Variants in ANKS1B observed in about 807,000 individuals in gnomAD.
The protein encoded by ANKS1B is ankyrin repeat and sterile alpha motif domain containing 1B.
A neutral mutation model predicts 148.3 loss-of-function variants in ANKS1B; 36 were observed. That is an observed-to-expected ratio of 0.24 (90% CI 0.19 to 0.32). ANKS1B has a LOEUF of 0.32. ANKS1B is among the 10% of genes least tolerant of loss of function. ANKS1B has a pLI of 1.00. For synonymous variants in ANKS1B, 542 were observed against 560.8 expected, an observed-to-expected ratio of 0.97 and a Z score of 0.47; for missense variants, 1,157 against 1,542.6, an observed-to-expected ratio of 0.75 and a Z score of 4.19.
intron 10 of ANKS1B, among the ~76,000 whole-genome samples, chr12:99,455,675 G>A (rs1164456647): frequency 5.9e-5 from 9 of 152,154 alleles, no homozygotes; most frequent in Admixed American, 6.5e-5. Flanking sequence ...TGACCTGTGC[G>A]ACTCAGCAGA....
intron 8 of ANKS1B, among the ~76,000 whole-genome samples, chr12:99,756,636 A>G (rs771513700): frequency 2.6e-5 from 4 of 152,154 alleles, no homozygotes; most frequent in African/African-American, 4.8e-5. Context: ...CTAAGCAAAA[A>G]GAACAAAGCT....
chr12:98,891,330 G>T (rs2152678431), intron 17 of ANKS1B, among the ~76,000 whole-genome samples: 1 of 151,084 alleles, frequency 6.6e-6, no homozygotes, highest in East Asian at 1.9e-4. Flanking sequence ...ATTAATTTTT[G>T]ATATTCATCT....
intron 9 of ANKS1B, among the ~76,000 whole-genome samples, chr12:99,559,416 C>G (rs1316710311): frequency 6.6e-6 from 1 of 152,150 alleles, no homozygotes; most frequent in Non-Finnish European, 1.5e-5. Context: ...ATCTCTCAAT[C>G]AGTGATGACC....
intron 1 of ANKS1B, among the ~76,000 whole-genome samples, chr12:99,921,077 A>C (rs1490323500): frequency 6.6e-6 from 1 of 152,194 alleles, no homozygotes; most frequent in Non-Finnish European, 1.5e-5. Context: ...CAGAGGCTTC[A>C]GTGGAAAAAC....
chr12:99,154,499 G>C (rs540395460), intron 14 of ANKS1B, 104 bp from the exon 15 acceptor site: 1 of 1,608,450 alleles, frequency 6.2e-7, no homozygotes, highest in African/African-American at 1.3e-5. Flanking sequence ...TCATGCCCCT[G>C]GGAAAGTTGC....
rs2097827768 is a variant in ANKS1B at position 98,743,990 on chromosome 12, T to TTTTA, written c.*1745_*1748dup. ...AAGCACCACTGCTGTACAACTTCTG[T>TTTTA]TTTATTTTTGTGTGCTTTTTTTATA... On this transcript the variant is annotated 3_prime_UTR_variant, in exon 27 of 27. Transcript: ENST00000683438. The TTTTA allele has an allele frequency of 1.0e-6, 1 of 983,300 alleles. No individual in the cohort carries two copies. The highest frequency in any genetic ancestry group is 1.2e-6 in the Non-Finnish European group (1 of 828,006). 60.9% of individuals were successfully genotyped at this position (983,300 alleles called of 1,614,324 possible).
intron 15 of ANKS1B, among the ~76,000 whole-genome samples, chr12:99,148,415 A>AT (rs558527871): frequency 0.011 from 1,614 of 145,702 alleles, 31 homozygotes; most frequent in South Asian, 0.018. Flanking sequence ...AATCATGGCA[A>AT]TTTTTTTTTT....
At chr12:98,842,498 G>A (rs2099412688) in intron 17 of ANKS1B, among the ~76,000 whole-genome samples, 1 of 152,222 alleles carries the variant, frequency 6.6e-6, no homozygotes, top group African/African-American at 2.4e-5. Context: ...ATGGGATTGT[G>A]TTGATGGTTG....
intron 19 of ANKS1B, among the ~76,000 whole-genome samples, chr12:98,812,605 G>T (rs145540180): frequency 1.8e-3 from 268 of 152,250 alleles, no homozygotes; most frequent in Non-Finnish European, 2.8e-3. Flanking sequence ...CAGAACCTTT[G>T]CTCTGTTGCC....
intron 10 of ANKS1B, among the ~76,000 whole-genome samples, chr12:99,489,024 A>G (rs560267227): frequency 2.6e-5 from 4 of 152,120 alleles, no homozygotes; most frequent in Non-Finnish European, 5.9e-5. Flanking sequence ...TGGGCAAATC[A>G]TAACATCAGG....
At chr12:99,739,076 C>T (rs1429820060) in intron 8 of ANKS1B, among the ~76,000 whole-genome samples, 1 of 152,032 alleles carries the variant, frequency 6.6e-6, no homozygotes, top group Non-Finnish European at 1.5e-5. Context: ...AGGGTATTCA[C>T]ATACACTATC....
chr12:99,189,791 T>A (rs1421019209), intron 14 of ANKS1B, among the ~76,000 whole-genome samples: 1 of 152,182 alleles, frequency 6.6e-6, no homozygotes, highest in African/African-American at 2.4e-5. Flanking sequence ...AAGAGAAGGA[T>A]GCCCTCTCTC....
chr12:99,482,609 T>C (rs1228688455), intron 10 of ANKS1B, among the ~76,000 whole-genome samples: 2 of 152,006 alleles, frequency 1.3e-5, no homozygotes, highest in African/African-American at 4.8e-5. Context: ...AATCTATGAA[T>C]TGCTTTGGGC....
At chr12:99,319,750 AGTTT>A (rs1205354466) in intron 12 of ANKS1B, among the ~76,000 whole-genome samples, 3 of 151,966 alleles carry the variant, frequency 2.0e-5, no homozygotes, top group Non-Finnish European at 4.4e-5. Context: ...GCTAGTTGTT[AGTTT>A]GTTTGTTAGT....
intron 9 of ANKS1B, among the ~76,000 whole-genome samples, chr12:99,534,692 T>A (rs912412587): frequency 2.0e-5 from 3 of 150,520 alleles, no homozygotes; most frequent in East Asian, 4.0e-4. Flanking sequence ...AGGAAACTTT[T>A]TTTTTCTTTT....
intron 1 of ANKS1B, among the ~76,000 whole-genome samples, chr12:99,922,016 G>C (rs1220639482): frequency 2.0e-5 from 3 of 152,068 alleles, no homozygotes; most frequent in Non-Finnish European, 4.4e-5. Flanking sequence ...TGCCAGCTCT[G>C]CCACTTAGGT....
Position 98,816,245 on chromosome 12 carries a change from T to C in ANKS1B, c.3067-8327A>G, listed in dbSNP as rs114229788. On this transcript the variant is annotated intron_variant, in intron 19 of 26. Transcript: ENST00000683438. Reference sequence around the variant, plus strand: ...AGGCATATTACATCCAAATTAAGTCTGTGCTTTCCACTCTATAAAAGAATT... The same window carrying C: ...AGGCATATTACATCCAAATTAAGTCCGTGCTTTCCACTCTATAAAAGAATT... Among the ~76,000 whole-genome samples the C allele has an allele frequency of 5.9e-3, 900 of 152,336 alleles. 10 individuals are homozygous for C. The highest frequency in any genetic ancestry group is 0.02 in the African/African-American group (846 of 41,582).
Position 98,832,040 on chromosome 12 carries a change from T to C in ANKS1B, c.2875A>G (p.Ile959Val), listed in dbSNP as rs545708478. 193 of 1,591,414 alleles carry C rather than the reference T, an allele frequency of 1.2e-4. No homozygotes were observed. The Admixed American group carries it at 3.2e-3, about 26-fold the overall frequency. Reference protein sequence around the residue: ...DDPPQKPPRSITLREPSGNHT... With the variant: ...DDPPQKPPRSVTLREPSGNHT... The stretch of plus-strand genomic sequence containing the variant: ...TGCTTGGCACTTACCCTGAGGGTGA[T>C]GGACCGAGGGGGCTTCTGTGGGGGA... The change falls in exon 18 of 27, where the codon ATC (isoleucine) becomes GTC (valine). Residue 959 changes from isoleucine (I) to valine (V), a missense_variant. Coordinates refer to ENST00000683438, the MANE Select transcript of ANKS1B (RefSeq NM_001352186.2).
intron 14 of ANKS1B, 149 bp downstream of exon 14, chr12:99,244,193 T>C (rs1312832574): frequency 1.7e-6 from 1 of 575,364 alleles, no homozygotes; most frequent in South Asian, 2.5e-5. Flanking sequence ...GTTGCTTATA[T>C]GTCATTGTTG....
Sources: gnomAD v4.1 joint callset for allele counts (sites outside exome capture counted in the v4.1 genomes callset) on GRCh38, gnomAD v4.1.1 for gene constraint, MANE v1.5 for transcripts, NCBI Gene and HGNC (gene_info 2026-07-23, HGNC 2026-07-21) for gene names.